GDAP2: variants seen among roughly 807,000 people sequenced by gnomAD.
GDAP2 encodes the protein ganglioside-induced differentiation-associated protein 2.
Under a neutral mutation model 67.0 loss-of-function variants are expected in GDAP2, and 51 were observed. The observed-to-expected ratio is 0.76, with a 90% CI of 0.61 to 0.96. GDAP2 has a LOEUF of 0.96. GDAP2 is among the 40% of genes least tolerant of loss of function. The pLI, the probability that GDAP2 is intolerant of heterozygous loss-of-function variation, is 0.00. For missense variants in GDAP2, 547 were observed against 588.3 expected (o/e 0.93, Z 0.73); for synonymous variants, 203 against 207.3 (o/e 0.98, Z 0.18).
chr1:117,874,201 C>T (rs948982910), intron 13 of GDAP2, among the ~76,000 whole-genome samples: 2 of 152,144 alleles, frequency 1.3e-5, no homozygotes, highest in Non-Finnish European at 2.9e-5. Context: ...AATTTGATCC[C>T]CATGCTGGAA....
intron 8 of GDAP2, among the ~76,000 whole-genome samples, chr1:117,895,499 G>C (rs913913160): frequency 6.6e-6 from 1 of 151,934 alleles, no homozygotes; most frequent in Non-Finnish European, 1.5e-5. Context: ...AAAAACAAAA[G>C]CTCTCTGGGG....
chr1:117,917,049 A>G (rs1468703282), intron 3 of GDAP2, among the ~76,000 whole-genome samples: 12 of 151,916 alleles, frequency 7.9e-5, no homozygotes, highest in Non-Finnish European at 1.8e-4. Flanking sequence ...AAAAAAAAAA[A>G]GAAAGAAAAA....
chr1:117,896,461 A>C (rs1478880447), intron 8 of GDAP2, among the ~76,000 whole-genome samples: 2 of 152,222 alleles, frequency 1.3e-5, no homozygotes, highest in African/African-American at 4.8e-5. Flanking sequence ...ATTCAACTGT[A>C]GATTATGCTT....
intron 13 of GDAP2, 173 bp downstream of exon 13, chr1:117,877,836 C>A: frequency 7.9e-7 from 1 of 1,261,712 alleles, no homozygotes; most frequent in Non-Finnish European, 1.0e-6. Context: ...GGGACAAATC[C>A]TTTTCCTAAA....
chr1:117,895,225 A>T (rs1649225837), intron 8 of GDAP2, among the ~76,000 whole-genome samples: 1 of 152,148 alleles, frequency 6.6e-6, no homozygotes, highest in African/African-American at 2.4e-5. Context: ...AGAATATCCC[A>T]ATTATTTTAA....
intron 5 of GDAP2, among the ~76,000 whole-genome samples, chr1:117,908,007 T>G (rs1458638578): frequency 6.6e-6 from 1 of 152,038 alleles, no homozygotes; most frequent in Non-Finnish European, 1.5e-5. Flanking sequence ...CAAATCTACT[T>G]TGCTGTATTC....
Position 117,883,541 on chromosome 1 carries a change from G to A in GDAP2, c.1194C>T (p.Tyr398=). 1 of 1,610,064 alleles carries A rather than the reference G, an allele frequency of 6.2e-7. No homozygotes were observed. The highest frequency in any genetic ancestry group is 1.1e-5 in the South Asian group (1 of 90,970). Residue 398 remains tyrosine, a synonymous_variant, in exon 11 of 14, where the codon TAC becomes TAT. Transcript: ENST00000369443. ...TCAGGAAGTCGGAGTCCAGGTGATT[G>A]TATTCGCTGGTCAGGGTGTGAAAAT... The part of the protein sequence containing the change: ...LVYFHTLTSE[Y]NHLDSDFLKK...
At chr1:117,873,621 A>G (rs1648361691) in intron 13 of GDAP2, among the ~76,000 whole-genome samples, 1 of 152,104 alleles carries the variant, frequency 6.6e-6, no homozygotes, top group African/African-American at 2.4e-5. Flanking sequence ...CTCCATTTCA[A>G]TGACTGATGG....
intron 8 of GDAP2, among the ~76,000 whole-genome samples, chr1:117,894,653 A>AT (rs1182056412): frequency 6.6e-6 from 1 of 152,172 alleles, no homozygotes; most frequent in Non-Finnish European, 1.5e-5. Context: ...GCACTATTTG[A>AT]TTGAGTTGTG....
Position 117,866,523 on chromosome 1 carries a change from G to A in GDAP2, c.*4046C>T, listed in dbSNP as rs958869486. ...GCCAGCACAGTTAAAACACTCTAGC[G>A]CACGTTAATTATGATGATTACAACT... On this transcript the variant is annotated 3_prime_UTR_variant, in exon 14 of 14. Transcript: ENST00000369443. The A allele has an allele frequency of 6.6e-6, 1 of 151,982 alleles. No homozygotes were observed. Among genetic ancestry groups the A allele is most frequent in the Non-Finnish European group, 1.5e-5 (1 of 68,002 alleles). The allele number at this position is 151,982 out of a possible 1,614,324, so 9.4% of individuals were successfully genotyped here.
At position 117,899,131 on chromosome 1, in the gene GDAP2, A is replaced by G. The variant is rs751709323; in HGVS notation, c.722T>C (p.Ile241Thr). Residue 241 changes from isoleucine to threonine, a missense_variant, in exon 7 of 14, where the codon ATT becomes ACT. By Grantham distance (89) the Ile-to-Thr change is moderately conservative. Coordinates refer to ENST00000369443, the MANE Select transcript of GDAP2 (RefSeq NM_017686.4). ...NRSLPYLPAD[I>T]GNAEGEPVVP... Reference sequence around the variant, plus strand: ...CACAGGCTCCCCTTCTGCATTTCCAATATCTGCAGGTAGGTAGGGCAATGA... The same window carrying G: ...CACAGGCTCCCCTTCTGCATTTCCAGTATCTGCAGGTAGGTAGGGCAATGA... 4.3e-6 allele frequency: 7 copies of G among 1,609,928 alleles called. No homozygotes were observed. Among genetic ancestry groups the G allele is most frequent in the Admixed American group, 1.7e-5 (1 of 60,004 alleles).
At chr1:117,887,878 T>G in intron 8 of GDAP2, 104 bp from the exon 9 acceptor site, 1 of 666,950 alleles carries the variant, frequency 1.5e-6, no homozygotes. Flanking sequence ...AATTTTCAAG[T>G]ATATATTTCA....
At chr1:117,904,352 C>A (rs995042346) in intron 6 of GDAP2, among the ~76,000 whole-genome samples, 1 of 152,138 alleles carries the variant, frequency 6.6e-6, no homozygotes, top group African/African-American at 2.4e-5. Flanking sequence ...TAATCACATA[C>A]TATTTTGTGA....
intron 3 of GDAP2, among the ~76,000 whole-genome samples, chr1:117,916,505 T>C (rs1466836500): frequency 1.3e-5 from 2 of 152,198 alleles, no homozygotes; most frequent in Admixed American, 6.5e-5. Context: ...GGGTTTACAC[T>C]TACTGGTTGT....
intron 3 of GDAP2, 116 bp from the exon 4 acceptor site, chr1:117,912,799 TAC>T: frequency 1.2e-6 from 1 of 847,876 alleles, no homozygotes; most frequent in Admixed American, 2.2e-5. Context: ...CAGTTAAAAA[TAC>T]AGACTGAACA....
intron 1 of GDAP2, among the ~76,000 whole-genome samples, chr1:117,921,524 G>A (rs962388960): frequency 6.6e-6 from 1 of 152,198 alleles, no homozygotes; most frequent in South Asian, 2.1e-4. Context: ...AAGTGCAAAG[G>A]CCAAATAGGC....
At chr1:117,888,248 T>C (rs1404910185) in intron 8 of GDAP2, among the ~76,000 whole-genome samples, 1 of 152,150 alleles carries the variant, frequency 6.6e-6, no homozygotes, top group Non-Finnish European at 1.5e-5. Context: ...GAAGTTCACT[T>C]TTCAGGGGAA....
At chr1:117,885,713 T>G (rs1161734725) in intron 10 of GDAP2, among the ~76,000 whole-genome samples, 1 of 152,192 alleles carries the variant, frequency 6.6e-6, no homozygotes, top group Non-Finnish European at 1.5e-5. Flanking sequence ...TTTGTCCAAC[T>G]GGTTTATCTT....
chr1:117,920,089 G>C (rs1368365722), intron 2 of GDAP2, 93 bp downstream of exon 2: 8 of 708,004 alleles, frequency 1.1e-5, no homozygotes, highest in Non-Finnish European at 1.7e-5. Flanking sequence ...ACGCAAAGCT[G>C]TATTTCAACA....
Sources: gnomAD v4.1 joint callset for allele counts (sites outside exome capture counted in the v4.1 genomes callset) on GRCh38, gnomAD v4.1.1 for gene constraint, MANE v1.5 for transcripts, NCBI Gene and HGNC (gene_info 2026-07-23, HGNC 2026-07-21) for gene names.